Variants in YTHDC1 observed in about 807,000 individuals in gnomAD.
YTHDC1 encodes YTH domain-containing protein 1.
In YTHDC1, 12 loss-of-function variants were observed where a neutral mutation model predicts 107.0. The observed-to-expected ratio is 0.11, with a 90% CI of 0.07 to 0.18. The LOEUF (loss-of-function observed/expected upper bound fraction) is 0.18. YTHDC1 is among the 10% of genes least tolerant of loss of function. The pLI, the probability that YTHDC1 is intolerant of heterozygous loss-of-function variation, is 1.00. For synonymous variants in YTHDC1, 280 were observed against 289.5 expected, an observed-to-expected ratio of 0.97 and a Z score of 0.33; for missense variants, 635 against 898.8, an observed-to-expected ratio of 0.71 and a Z score of 3.75.
intron 14 of YTHDC1, 50 bp from the exon 15 acceptor site, chr4:68,318,631 T>C: frequency 8.7e-6 from 14 of 1,608,624 alleles, no homozygotes; most frequent in Non-Finnish European, 1.2e-5. Flanking sequence ...ATCACAGAAC[T>C]GCAAAATAAA....
intron 16 of YTHDC1, 125 bp downstream of exon 16, chr4:68,316,189 C>T (rs1721838740): frequency 9.0e-7 from 1 of 1,116,800 alleles, no homozygotes; most frequent in East Asian, 2.6e-5. Context: ...AACAATTATT[C>T]CAAAACAGTC....
chr4:68,335,332 G>T (rs559096051), intron 4 of YTHDC1, among the ~76,000 whole-genome samples: 62 of 152,132 alleles, frequency 4.1e-4, no homozygotes, highest in African/African-American at 1.5e-3. Context: ...CCTAAAGCAT[G>T]TTCCACATAA....
chr4:68,316,058 A>G, intron 16 of YTHDC1: 2 of 311,964 alleles, frequency 6.4e-6, no homozygotes, highest in Non-Finnish European at 1.2e-5. Flanking sequence ...CCTAGGTACT[A>G]CCTAAAAGGA....
Position 68,320,135 on chromosome 4 carries a change from G to T in YTHDC1, c.1672C>A (p.His558Asn). ...ATAAAATATTAACCTGGTCTCTGGT[G>T]AAACTCAGGGGGATAGTCAATCCTT... ...KPRIDYPPEF[H>N]QRPGYLKDPR... is the part of the protein sequence containing the mutation. Residue 558 changes from histidine (H) to asparagine (N), a missense_variant, in exon 12 of 17, where the codon CAC becomes AAC. His to Asn is a moderately conservative substitution (Grantham distance 68, BLOSUM62 1). Around this residue, in one of 5 missense-constraint regions of YTHDC1, gnomAD observed 256 missense variants for 372.9 expected, o/e 0.69. Transcript: ENST00000344157. The T allele has an allele frequency of 6.2e-7, 1 of 1,603,138 alleles. No homozygotes were observed.
At chr4:68,319,024 T>A (rs1722158878) in intron 12 of YTHDC1, among the ~76,000 whole-genome samples, 162 bp from the exon 13 acceptor site, 1 of 152,216 alleles carries the variant, frequency 6.6e-6, no homozygotes, top group Non-Finnish European at 1.5e-5. Context: ...CTTCTCAGAT[T>A]ACATGATAAT....
chr4:68,318,889 A>C, intron 12 of YTHDC1, 27 bp from the exon 13 acceptor site: 2 of 1,612,042 alleles, frequency 1.2e-6, no homozygotes, highest in African/African-American at 1.3e-5. Flanking sequence ...CATTTTAGTA[A>C]ATCAAATTTA....
intron 7 of YTHDC1, among the ~76,000 whole-genome samples, chr4:68,331,801 C>A (rs1056743824): frequency 6.6e-6 from 1 of 151,602 alleles, no homozygotes; most frequent in Non-Finnish European, 1.5e-5. Context: ...ATAAATGAGC[C>A]ACTGAGGAAG....
At chr4:68,332,010 C>A in intron 7 of YTHDC1, 93 bp downstream of exon 7, 1 of 706,318 alleles carries the variant, frequency 1.4e-6, no homozygotes, top group Non-Finnish European at 2.2e-6. Flanking sequence ...TAATGAAAAT[C>A]ATAATACCTA....
intron 5 of YTHDC1, 89 bp downstream of exon 5, chr4:68,333,216 TCAA>T: frequency 4.3e-6 from 4 of 921,930 alleles, no homozygotes; most frequent in Non-Finnish European, 6.7e-6. Flanking sequence ...CTAATGGACA[TCAA>T]CAAGTTCACA....
chr4:68,330,826 G>A (rs746199623), intron 7 of YTHDC1, among the ~76,000 whole-genome samples: 2 of 152,010 alleles, frequency 1.3e-5, no homozygotes, highest in Non-Finnish European at 2.9e-5. Context: ...AGAGGCCTAC[G>A]TTTTACCTAC....
At chr4:68,325,946 T>C (rs891183654) in intron 9 of YTHDC1, among the ~76,000 whole-genome samples, 1 of 152,058 alleles carries the variant, frequency 6.6e-6, no homozygotes, top group African/African-American at 2.4e-5. Flanking sequence ...TTCCCCCTTT[T>C]CAGGCTCTCA....
At chr4:68,329,029 T>C (rs1723290195) in intron 9 of YTHDC1, among the ~76,000 whole-genome samples, 1 of 152,182 alleles carries the variant, frequency 6.6e-6, no homozygotes, top group African/African-American at 2.4e-5. Flanking sequence ...GATGGGTATG[T>C]CACTACACAG....
intron 7 of YTHDC1, among the ~76,000 whole-genome samples, chr4:68,331,335 TA>T (rs1723559097): frequency 6.6e-6 from 1 of 152,114 alleles, no homozygotes; most frequent in Non-Finnish European, 1.5e-5. Context: ...GAGAACAGAA[TA>T]AGGCTATTTG....
intron 10 of YTHDC1, 112 bp from the exon 11 acceptor site, chr4:68,323,027 G>A: frequency 9.7e-7 from 1 of 1,026,290 alleles, no homozygotes; most frequent in East Asian, 2.6e-5. Context: ...TCCCAAGGCT[G>A]ATGATCATAT....
chr4:68,321,434 T>C (rs1387332979), intron 11 of YTHDC1, among the ~76,000 whole-genome samples: 1 of 152,222 alleles, frequency 6.6e-6, no homozygotes, highest in African/African-American at 2.4e-5. Flanking sequence ...TAACAGTTCA[T>C]ATAGTAGTCC....
At chr4:68,341,808 TA>T (rs1389965745) in intron 1 of YTHDC1, among the ~76,000 whole-genome samples, 1 of 152,184 alleles carries the variant, frequency 6.6e-6, no homozygotes, top group East Asian at 1.9e-4. Context: ...TGCATTTAGG[TA>T]TCAGGAAATT....
chr4:68,348,137 C>A (rs1476244385), intron 1 of YTHDC1, among the ~76,000 whole-genome samples: 2 of 152,326 alleles, frequency 1.3e-5, no homozygotes, highest in East Asian at 1.9e-4. Flanking sequence ...ATCACTAAAT[C>A]ATTTCTAAAG....
At chr4:68,325,670 A>C (rs996840767) in intron 9 of YTHDC1, among the ~76,000 whole-genome samples, 3 of 152,200 alleles carry the variant, frequency 2.0e-5, no homozygotes, top group Admixed American at 2.0e-4. Flanking sequence ...GCTGTGAGCC[A>C]CCACACCTGG....
Position 68,350,033 on chromosome 4 carries a change from G to C in YTHDC1, c.-280C>G, listed in dbSNP as rs548486009. The C allele has an allele frequency of 1.8e-6, 1 of 552,464 alleles. No homozygotes were observed. The allele number at this position is 552,464 out of a possible 1,614,324, so 34.2% of individuals were successfully genotyped here. A position where few individuals can be genotyped will look rare whatever the true frequency, so the allele number is the denominator to read the frequency against. On this transcript the variant is annotated 5_prime_UTR_variant, in exon 1 of 17. Coordinates refer to ENST00000344157, the MANE Select transcript of YTHDC1 (RefSeq NM_001031732.4). ...GGAGGGAAGGGAAACAGATGGCGAC[G>C]GCGGGCGGCGCTAAAATGGAGCCTG...
Sources: allele counts gnomAD v4.1 joint callset (sites outside exome capture counted in the v4.1 genomes callset), GRCh38; gene constraint gnomAD v4.1.1; regional missense constraint gnomAD v4.1.1; transcripts MANE v1.5; gene names NCBI Gene and HGNC (gene_info 2026-07-23, HGNC 2026-07-21).